The following INPP4B variants were observed in gnomAD, a reference collection of about 807,000 sequenced individuals.
INPP4B encodes inositol polyphosphate 4-phosphatase type II.
Under a neutral mutation model 122.5 loss-of-function variants are expected in INPP4B, and 55 were observed. The observed-to-expected ratio is 0.45, with a 90% CI of 0.36 to 0.56. The LOEUF is 0.56. Ranked by LOEUF, INPP4B falls within the 20% of genes least tolerant of loss-of-function variation. The pLI is 0.00. For synonymous variants in INPP4B, 403 were observed against 388.7 expected (o/e 1.04, Z -0.43); for missense variants, 1,000 against 1,097.7 (o/e 0.91, Z 1.26).
At chr4:142,663,841 A>T (rs1039213860) in intron 2 of INPP4B, among the ~76,000 whole-genome samples, 1 of 151,826 alleles carries the variant, frequency 6.6e-6, no homozygotes, top group African/African-American at 2.4e-5. Context: ...GTAAGTGGAA[A>T]TTTTCACTCT....
At chr4:142,411,516 G>A (rs1196575598) in intron 5 of INPP4B, among the ~76,000 whole-genome samples, 1 of 152,152 alleles carries the variant, frequency 6.6e-6, no homozygotes, top group Non-Finnish European at 1.5e-5. Context: ...GGAGAAATGG[G>A]AGAGATAAAT....
At chr4:142,687,328 C>G (rs991500378) in intron 2 of INPP4B, among the ~76,000 whole-genome samples, 7 of 151,770 alleles carry the variant, frequency 4.6e-5, no homozygotes, top group Admixed American at 6.6e-5. Flanking sequence ...GCTCCAATAC[C>G]AAAGCCCAAA....
intron 11 of INPP4B, among the ~76,000 whole-genome samples, chr4:142,249,876 A>G (rs556610140): frequency 6.6e-6 from 1 of 152,272 alleles, no homozygotes; most frequent in South Asian, 2.1e-4. Flanking sequence ...CTCCCCTTCT[A>G]TACAGTCAAG....
chr4:142,133,271 A>G (rs1400593495), intron 18 of INPP4B, among the ~76,000 whole-genome samples: 1 of 152,162 alleles, frequency 6.6e-6, no homozygotes, highest in Non-Finnish European at 1.5e-5. Flanking sequence ...AACAATTTCC[A>G]AATTAATGTC....
At chr4:142,450,448 T>C (rs960070448) in intron 3 of INPP4B, among the ~76,000 whole-genome samples, 1 of 152,196 alleles carries the variant, frequency 6.6e-6, no homozygotes, top group Non-Finnish European at 1.5e-5. Flanking sequence ...AGACCAGAGA[T>C]AGAATCAATT....
intron 2 of INPP4B, among the ~76,000 whole-genome samples, chr4:142,571,930 C>T (rs184679786): frequency 5.3e-4 from 80 of 152,024 alleles, no homozygotes; most frequent in Non-Finnish European, 9.9e-4. Flanking sequence ...AATAAATCAG[C>T]GAATAAATGA....
chr4:142,278,932 T>C lies in INPP4B; in HGVS notation c.504-8158A>G, dbSNP rs534813927. ...GACAAGTATGAGGAACAGGTCTGAA[T>C]AACACTATAAAAATTTGGAAAACAG... On this transcript the variant is annotated intron_variant, in intron 9 of 25. Coordinates refer to ENST00000262992, the MANE Select transcript of INPP4B (RefSeq NM_001101669.3). Among the ~76,000 whole-genome samples, 3 of 151,982 alleles carry C rather than the reference T, an allele frequency of 2.0e-5. 1 individual carries two copies. The South Asian group carries it at 6.2e-4, about 32-fold the overall frequency.
intron 2 of INPP4B, among the ~76,000 whole-genome samples, chr4:142,688,904 C>G (rs1759751041): frequency 6.6e-6 from 1 of 152,162 alleles, no homozygotes; most frequent in African/African-American, 2.4e-5. Flanking sequence ...GCTGGCATGA[C>G]CCAGGTCAAT....
intron 2 of INPP4B, among the ~76,000 whole-genome samples, chr4:142,679,007 G>T (rs535164953): frequency 1.3e-5 from 2 of 151,902 alleles, no homozygotes; most frequent in East Asian, 3.9e-4. Flanking sequence ...AAAGTTTAAG[G>T]AAGAAGTCAT....
chr4:142,112,521 G>A lies in INPP4B; in HGVS notation c.2276+21C>T, dbSNP rs369953373. 2.1e-5 allele frequency: 34 copies of A among 1,610,748 alleles called. No individual in the cohort carries two copies. In the African/African-American group the frequency reaches 3.1e-4, roughly 15 times the overall value. ...AGGAACAAAGAAAAATCTCAAGTGC[G>A]ACTCTTACACCAAAGCTTACCTTTC... On this transcript the variant is annotated intron_variant, in intron 22 of 25. Transcript: ENST00000262992.
chr4:142,337,685 TTA>T (rs970580837), intron 7 of INPP4B, among the ~76,000 whole-genome samples: 1 of 142,724 alleles, frequency 7.0e-6, no homozygotes, highest in Non-Finnish European at 1.5e-5. Flanking sequence ...TATATATATA[TTA>T]TATATATTAT....
chr4:142,333,990 T>C lies in INPP4B; in HGVS notation c.373-19228A>G, dbSNP rs184830006. Among the ~76,000 whole-genome samples, 552 of 152,270 alleles carry C rather than the reference T, an allele frequency of 3.6e-3. 2 individuals carry two copies. The highest frequency in any genetic ancestry group is 6.8e-3 in the Middle Eastern group (2 of 294). On this transcript the variant is annotated intron_variant, in intron 7 of 25. Coordinates refer to ENST00000262992, the MANE Select transcript of INPP4B (RefSeq NM_001101669.3). ...CCCAGAACTTATTTATAACTGAAAG[T>C]CTGTACCCTTTGATCATCATCTTCC...
At chr4:142,550,927 T>C (rs1727839378) in intron 2 of INPP4B, among the ~76,000 whole-genome samples, 1 of 152,288 alleles carries the variant, frequency 6.6e-6, no homozygotes, top group Admixed American at 6.5e-5. Context: ...GCTGATGGTG[T>C]TGTGAGTATG....
chr4:142,296,655 C>A (rs1758834782), intron 9 of INPP4B, among the ~76,000 whole-genome samples: 1 of 152,216 alleles, frequency 6.6e-6, no homozygotes, highest in Non-Finnish European at 1.5e-5. Context: ...GATAAGATAA[C>A]TTAGTCTCAG....
At chr4:142,029,639 A>G in intron 25 of INPP4B, 1 of 985,376 alleles carries the variant, frequency 1.0e-6, no homozygotes, top group Non-Finnish European at 1.2e-6. Flanking sequence ...CTTGACAGAA[A>G]AGAGTTAATT....
intron 1 of INPP4B, among the ~76,000 whole-genome samples, chr4:142,765,320 G>C (rs1771950621): frequency 6.6e-6 from 1 of 152,124 alleles, no homozygotes; most frequent in African/African-American, 2.4e-5. Context: ...CTGAAGGGCT[G>C]GATGTGTAAT....
chr4:142,127,214 A>G (rs985379866), intron 18 of INPP4B, among the ~76,000 whole-genome samples: 2 of 152,198 alleles, frequency 1.3e-5, no homozygotes, highest in African/African-American at 4.8e-5. Context: ...GCATGGTACT[A>G]TACTGAATCA....
chr4:142,627,744 G>C (rs568267290), intron 2 of INPP4B, among the ~76,000 whole-genome samples: 1 of 151,982 alleles, frequency 6.6e-6, no homozygotes, highest in African/African-American at 2.4e-5. Flanking sequence ...CCCAGCTTTG[G>C]TATCAGAATG....
At chr4:142,738,821 G>C (rs1580808762) in intron 1 of INPP4B, among the ~76,000 whole-genome samples, 1 of 152,026 alleles carries the variant, frequency 6.6e-6, no homozygotes, top group Non-Finnish European at 1.5e-5. Flanking sequence ...CAGTAGTAGA[G>C]GAGCTACTAT....
Sources: gnomAD v4.1 joint callset for allele counts (sites outside exome capture counted in the v4.1 genomes callset) on GRCh38, gnomAD v4.1.1 for gene constraint, MANE v1.5 for transcripts, NCBI Gene and HGNC (gene_info 2026-07-23, HGNC 2026-07-21) for gene names.